The following ATRNL1 variants were observed in gnomAD, a reference collection of about 807,000 sequenced individuals.
ATRNL1 encodes the protein attractin like 1.
In ATRNL1, 95 loss-of-function variants were observed where a neutral mutation model predicts 182.7. That is an observed-to-expected ratio of 0.52 (90% confidence interval 0.44 to 0.62). The LOEUF is 0.62. ATRNL1 is among the 20% of genes least tolerant of loss of function. ATRNL1 has a pLI of 0.00. For synonymous variants in ATRNL1, 576 were observed against 568.3 expected (o/e 1.01, Z -0.19); for missense variants, 1,471 against 1,679.5 (o/e 0.88, Z 2.17).
intron 27 of ATRNL1, among the ~76,000 whole-genome samples, chr10:115,767,264 A>T (rs1380766115): frequency 6.6e-6 from 1 of 152,180 alleles, no homozygotes; most frequent in Non-Finnish European, 1.5e-5. Context: ...AGTCCCAGAT[A>T]GACTCATCAT....
intron 26 of ATRNL1, among the ~76,000 whole-genome samples, chr10:115,654,993 T>C (rs1860244360): frequency 6.6e-6 from 1 of 152,172 alleles, no homozygotes; most frequent in Non-Finnish European, 1.5e-5. Context: ...TATTGAAGTC[T>C]GTCTTCCCTG....
chr10:115,707,547 A>G (rs1555053396), intron 26 of ATRNL1, among the ~76,000 whole-genome samples: 1 of 151,558 alleles, frequency 6.6e-6, no homozygotes, highest in Non-Finnish European at 1.5e-5. Flanking sequence ...ATTATTCCAA[A>G]TCTTATTTGT....
intron 28 of ATRNL1, among the ~76,000 whole-genome samples, chr10:115,931,358 C>A (rs914793296): frequency 1.3e-5 from 2 of 152,044 alleles, no homozygotes; most frequent in African/African-American, 4.8e-5. Context: ...AGATTTAATG[C>A]CTCTAAAGTA....
chr10:115,464,232 TGG>T (rs1847946809), intron 22 of ATRNL1, among the ~76,000 whole-genome samples: 1 of 152,022 alleles, frequency 6.6e-6, no homozygotes, highest in Non-Finnish European at 1.5e-5. Flanking sequence ...TATATTCACC[TGG>T]GAATAATCTC....
At chr10:115,337,132 G>GT (rs1245063835) in intron 19 of ATRNL1, among the ~76,000 whole-genome samples, 1 of 151,574 alleles carries the variant, frequency 6.6e-6, no homozygotes, top group African/African-American at 2.4e-5. Context: ...AAGTGCTGTG[G>GT]TTACAGGCGT....
intron 24 of ATRNL1, among the ~76,000 whole-genome samples, chr10:115,477,708 TATC>T (rs1554973434): frequency 6.6e-6 from 1 of 151,694 alleles, no homozygotes; most frequent in Non-Finnish European, 1.5e-5. Flanking sequence ...AAATACTCGT[TATC>T]ATGGATAACC....
intron 24 of ATRNL1, among the ~76,000 whole-genome samples, chr10:115,515,176 T>C (rs1850574145): frequency 6.6e-6 from 1 of 151,878 alleles, no homozygotes; most frequent in Non-Finnish European, 1.5e-5. Flanking sequence ...CTTTTGAGTT[T>C]TCCTATTGAT....
At chr10:115,537,133 C>G (rs1398734534) in intron 25 of ATRNL1, among the ~76,000 whole-genome samples, 3 of 152,102 alleles carry the variant, frequency 2.0e-5, no homozygotes, top group Non-Finnish European at 4.4e-5. Flanking sequence ...TACTTAGGAC[C>G]TAACTGTTCT....
intron 27 of ATRNL1, among the ~76,000 whole-genome samples, chr10:115,756,761 G>A (rs1314065689): frequency 6.6e-6 from 1 of 152,188 alleles, no homozygotes; most frequent in African/African-American, 2.4e-5. Flanking sequence ...TGACAGTGGG[G>A]TGTTAAAGTC....
chr10:115,246,651 C>A (rs1850657773), intron 10 of ATRNL1, among the ~76,000 whole-genome samples: 2 of 72,296 alleles, frequency 2.8e-5, no homozygotes, highest in East Asian at 5.5e-4. Flanking sequence ...AGCTCCACTT[C>A]CTGGGTTCAC....
chr10:115,914,667 A>G (rs2420224), intron 28 of ATRNL1, among the ~76,000 whole-genome samples: 150,277 of 152,312 alleles, frequency 0.99, 74,165 homozygotes, highest in East Asian at 1. Flanking sequence ...TGAAGGCTAC[A>G]TCATAGTCAT....
chr10:115,426,927 G>T (rs1393633533), intron 21 of ATRNL1, among the ~76,000 whole-genome samples: 1 of 152,084 alleles, frequency 6.6e-6, no homozygotes, highest in African/African-American at 2.4e-5. Context: ...GTTTTGCCAC[G>T]TTGGTCAGGC....
chr10:115,165,454 G>T, intron 6 of ATRNL1, 104 bp from the exon 7 acceptor site: 1 of 511,190 alleles, frequency 2.0e-6, no homozygotes. Context: ...AACTCTTTTT[G>T]AATTTAATGA....
chr10:115,336,836 C>T (rs560608188), intron 19 of ATRNL1, among the ~76,000 whole-genome samples: 7 of 151,664 alleles, frequency 4.6e-5, no homozygotes, highest in Non-Finnish European at 1.0e-4. Flanking sequence ...TGTTGTGCAA[C>T]TGTCTGATTT....
intron 24 of ATRNL1, among the ~76,000 whole-genome samples, chr10:115,498,738 A>G (rs1554979164): frequency 5.3e-5 from 8 of 151,834 alleles, no homozygotes. Context: ...TTCCTTAACT[A>G]TTAATGTATT....
chr10:115,728,071 C>G (rs1356475869), intron 27 of ATRNL1, among the ~76,000 whole-genome samples: 51 of 139,974 alleles, frequency 3.6e-4, no homozygotes, highest in African/African-American at 1.3e-3. Flanking sequence ...GTCAGGAGAT[C>G]GCGACCATCC....
chr10:115,738,980 T>C (rs545567160), intron 27 of ATRNL1, among the ~76,000 whole-genome samples: 3 of 152,198 alleles, frequency 2.0e-5, no homozygotes, highest in African/African-American at 7.2e-5. Context: ...AATTATTGTA[T>C]ACATCCAAAA....
At chr10:115,125,678 C>CTGCA (rs1844940955) in intron 3 of ATRNL1, among the ~76,000 whole-genome samples, 1 of 152,330 alleles carries the variant, frequency 6.6e-6, no homozygotes, top group African/African-American at 2.4e-5. Flanking sequence ...CATAGCTCAG[C>CTGCA]TGCAGTGCAG....
chr10:115,431,169 G>A (rs1471917834), intron 21 of ATRNL1, among the ~76,000 whole-genome samples: 3 of 152,100 alleles, frequency 2.0e-5, no homozygotes, highest in Non-Finnish European at 4.4e-5. Flanking sequence ...CACTTTGGGA[G>A]GCCGAGGCGG....
Sources: gnomAD v4.1 joint callset for allele counts (sites outside exome capture counted in the v4.1 genomes callset) on GRCh38, gnomAD v4.1.1 for gene constraint, MANE v1.5 for transcripts, NCBI Gene and HGNC (gene_info 2026-07-23, HGNC 2026-07-21) for gene names.